ARHGAP21: variants seen among roughly 807,000 people sequenced by gnomAD.
The protein encoded by ARHGAP21 is rho GTPase-activating protein 21.
ARHGAP21 carries 38 observed loss-of-function variants against 164.6 expected under a neutral mutation model. The ratio of observed to expected loss-of-function variants is 0.23; its 90% CI spans 0.18 to 0.30. The LOEUF is 0.30. ARHGAP21 is among the 10% of genes least tolerant of loss of function. The pLI is 1.00. For synonymous variants in ARHGAP21, 766 were observed against 857.9 expected (o/e 0.89, Z 1.87); for missense variants, 1,822 against 2,370.7 (o/e 0.77, Z 4.81).
At chr10:24,668,660 T>C (rs1196957128) in intron 3 of ARHGAP21, among the ~76,000 whole-genome samples, 1 of 152,108 alleles carries the variant, frequency 6.6e-6, no homozygotes, top group East Asian at 1.9e-4. Flanking sequence ...TTTTTTTTTT[T>C]GACCAGAAAT....
At chr10:24,622,894 G>A (rs75621601) in intron 7 of ARHGAP21, 132 bp from the exon 8 acceptor site, 11 of 775,832 alleles carry the variant, frequency 1.4e-5, no homozygotes, top group East Asian at 1.4e-4. Flanking sequence ...TACCAAGAGA[G>A]GTAAAGGGCA....
At chr10:24,666,003 T>C (rs1014802287) in intron 4 of ARHGAP21, among the ~76,000 whole-genome samples, 3 of 152,182 alleles carry the variant, frequency 2.0e-5, no homozygotes, top group Non-Finnish European at 4.4e-5. Flanking sequence ...GTATTGTTGA[T>C]TGTACCATGG....
At chr10:24,607,968 C>A in intron 9 of ARHGAP21, 65 bp from the exon 10 acceptor site, 1 of 1,449,502 alleles carries the variant, frequency 6.9e-7, no homozygotes, top group Non-Finnish European at 9.3e-7. Flanking sequence ...AAAACTCAGT[C>A]AATAATCATT....
At chr10:24,689,633 C>T (rs375233703) in intron 2 of ARHGAP21, among the ~76,000 whole-genome samples, 3 of 151,668 alleles carry the variant, frequency 2.0e-5, no homozygotes, top group African/African-American at 4.8e-5. Context: ...CTCAGCTACC[C>T]GGGAGGCTGA....
At chr10:24,640,070 A>G (rs982288035) in intron 4 of ARHGAP21, 3 of 152,022 alleles carry the variant, frequency 2.0e-5, no homozygotes, top group African/African-American at 7.2e-5. Context: ...CAAGAGAAAC[A>G]TATTTCTTAA....
rs147227849 is a variant in ARHGAP21, at chr10:24,590,004, T to C, written c.4151-702A>G. On this transcript the variant is annotated intron_variant, in intron 24 of 25. Coordinates refer to ENST00000396432, the MANE Select transcript of ARHGAP21 (RefSeq NM_020824.4). ...AATGGAAAAATGGAGACCATAATTT[T>C]ACTGTCTGGCAAAAACTCAGATTAT... 4.6e-3 allele frequency: 1,051 copies of C among 229,554 alleles called. 6 individuals are homozygous for C. The highest frequency in any genetic ancestry group is 0.029 in the Middle Eastern group (16 of 550). 14.2% of individuals were successfully genotyped at this position (229,554 alleles called of 1,614,324 possible).
intron 5 of ARHGAP21, among the ~76,000 whole-genome samples, chr10:24,633,863 C>A (rs539766427): frequency 2.7e-5 from 4 of 145,754 alleles, no homozygotes; most frequent in African/African-American, 1.0e-4. Flanking sequence ...TATCTCTCCA[C>A]GTACCCTGTC....
chr10:24,680,291 T>C (rs899605422), intron 2 of ARHGAP21, among the ~76,000 whole-genome samples: 2 of 152,188 alleles, frequency 1.3e-5, no homozygotes, highest in Non-Finnish European at 2.9e-5. Context: ...CTTTTATATT[T>C]TCCTTTTCCT....
At chr10:24,590,854 C>G in intron 24 of ARHGAP21, 1 of 973,106 alleles carries the variant, frequency 1.0e-6, no homozygotes, top group Non-Finnish European at 1.2e-6. Context: ...CAGCCCAGAT[C>G]ATACTTTCTG....
chr10:24,657,186 C>G, intron 4 of ARHGAP21, among the ~76,000 whole-genome samples: 1 of 23,290 alleles, frequency 4.3e-5, no homozygotes, highest in South Asian at 1.7e-3. Context: ...TCTGCCCGGC[C>G]ACCCCTACTG....
At chr10:24,712,992 C>T (rs953304784) in intron 2 of ARHGAP21, among the ~76,000 whole-genome samples, 20 of 150,372 alleles carry the variant, frequency 1.3e-4, no homozygotes, top group Admixed American at 9.9e-4. Flanking sequence ...AAAAAAAAAA[C>T]GGCGCTGATG....
chr10:24,660,235 ACT>A (rs1350934992), intron 4 of ARHGAP21, among the ~76,000 whole-genome samples: 1 of 151,790 alleles, frequency 6.6e-6, no homozygotes, highest in Non-Finnish European at 1.5e-5. Flanking sequence ...GTTAAAAATG[ACT>A]CTGGGAGGCA....
chr10:24,626,058 T>C (rs1835111222), intron 7 of ARHGAP21, among the ~76,000 whole-genome samples: 1 of 152,224 alleles, frequency 6.6e-6, no homozygotes, highest in Non-Finnish European at 1.5e-5. Context: ...CTGTTTAACT[T>C]TGCTGTGTTT....
At chr10:24,656,127 T>C (rs1838843656) in intron 4 of ARHGAP21, among the ~76,000 whole-genome samples, 1 of 136,986 alleles carries the variant, frequency 7.3e-6, no homozygotes, top group African/African-American at 2.9e-5. Flanking sequence ...GTGAGGAGTG[T>C]CTCCGCCCGG....
chr10:24,589,136 GAATT>G (rs2076227625), intron 25 of ARHGAP21, 131 bp downstream of exon 25: 5 of 788,500 alleles, frequency 6.3e-6, no homozygotes, highest in African/African-American at 3.6e-5. Flanking sequence ...ATTGTTTTAG[GAATT>G]AATTTTTTGA....
In ARHGAP21 at chr10:24,611,556, T is replaced by C. The variant is rs149917746; in HGVS notation, c.2423-3653A>G. 7.4e-4 allele frequency among the ~76,000 whole-genome samples: 113 copies of C among 151,898 alleles called. 1 individual carries two copies. The East Asian group carries it at 0.018, about 25-fold the overall frequency. ...CCATCTCTACTAAAAATACAAAAAT[T>C]AGCTGGGCATGGTGGCACACACTGG... On this transcript the variant is annotated intron_variant, in intron 9 of 25. Transcript: ENST00000396432.
Position 24,618,195 on chromosome 10 carries a change from T to TA in ARHGAP21, c.2422+1277dup, listed in dbSNP as rs200258339. The stretch of plus-strand genomic sequence containing the variant: ...AGCTGCACAGTCATGATGAGAACTG[T>TA]ATTGTTGTGCTATACATTTAACCAG... On this transcript the variant is annotated intron_variant, in intron 9 of 25. Coordinates refer to ENST00000396432, the MANE Select transcript of ARHGAP21 (RefSeq NM_020824.4). Among the ~76,000 whole-genome samples the TA allele has an allele frequency of 1.5e-3, 231 of 152,326 alleles. 5 individuals are homozygous for TA. In the East Asian group the frequency reaches 0.038, roughly 25 times the overall value.
In ARHGAP21 at chr10:24,605,399, A is replaced by C. The variant is rs544135768; in HGVS notation, c.2685-1051T>G. On this transcript the variant is annotated intron_variant, in intron 11 of 25. Transcript: ENST00000396432. ...GCCATCTTTGCAGGAAACAGTGTGT[A>C]GTTGGTGTAGGGTGCAGTAGACTCT... is the stretch of plus-strand genomic sequence containing the variant. Among the ~76,000 whole-genome samples, 10 of 152,330 alleles carry C rather than the reference A, an allele frequency of 6.6e-5. 1 individual carries two copies. The South Asian group carries it at 1.9e-3, about 28-fold the overall frequency.
chr10:24,667,239 T>TA (rs1840284199), intron 3 of ARHGAP21, among the ~76,000 whole-genome samples: 1 of 152,180 alleles, frequency 6.6e-6, no homozygotes, highest in South Asian at 2.1e-4. Flanking sequence ...ACTGGAAAGA[T>TA]AGAGTTTTCA....
Sources: allele counts gnomAD v4.1 joint callset (sites outside exome capture counted in the v4.1 genomes callset), GRCh38; gene constraint gnomAD v4.1.1; transcripts MANE v1.5; gene names NCBI Gene and HGNC (gene_info 2026-07-23, HGNC 2026-07-21).